The following DIP2B variants were observed in gnomAD, a reference collection of about 807,000 sequenced individuals.
DIP2B encodes DIP2 acetate--CoA ligase B (putative).
A neutral mutation model predicts 198.0 loss-of-function variants in DIP2B; 76 were observed. The ratio of observed to expected loss-of-function variants is 0.38; its 90% CI spans 0.32 to 0.46. The LOEUF (loss-of-function observed/expected upper bound fraction) is 0.46. Ranked by LOEUF, DIP2B falls within the 20% of genes least tolerant of loss-of-function variation. DIP2B has a pLI of 0.99. For missense variants in DIP2B, 1,559 were observed against 1,978.4 expected (o/e 0.79, Z 4.02); for synonymous variants, 701 against 739.1 (o/e 0.95, Z 0.84).
chr12:50,709,428 C>T (rs961054808), intron 22 of DIP2B, among the ~76,000 whole-genome samples: 5 of 151,668 alleles, frequency 3.3e-5, no homozygotes, highest in East Asian at 3.9e-4. Context: ...GTCAGGAGAT[C>T]GAGACCATCC....
intron 1 of DIP2B, among the ~76,000 whole-genome samples, chr12:50,608,222 A>G (rs1046083031): frequency 6.6e-6 from 1 of 152,228 alleles, no homozygotes; most frequent in African/African-American, 2.4e-5. Context: ...AAGTCTTAGC[A>G]TATCAAATGG....
At chr12:50,571,297 G>T (rs1024329327) in intron 1 of DIP2B, among the ~76,000 whole-genome samples, 1 of 145,782 alleles carries the variant, frequency 6.9e-6, no homozygotes, top group East Asian at 2.1e-4. Flanking sequence ...TCAGCCTCCC[G>T]AGTAGCTGGG....
At chr12:50,671,545 G>A in intron 5 of DIP2B, 147 bp downstream of exon 5, 1 of 764,458 alleles carries the variant, frequency 1.3e-6, no homozygotes. Context: ...AGGAAAAGAT[G>A]GAAACACCAG....
chr12:50,727,580 T>G lies in DIP2B; in HGVS notation c.3401-123T>G, dbSNP rs1442445450. 5 of 807,856 alleles carry G rather than the reference T, an allele frequency of 6.2e-6. No individual in the cohort carries two copies. In the Admixed American group the frequency reaches 6.2e-5, roughly 10 times the overall value. 50.0% of individuals were successfully genotyped at this position (807,856 alleles called of 1,614,324 possible). A position where few individuals can be genotyped will look rare whatever the true frequency, so the allele number is the denominator to read the frequency against. On this transcript the variant is annotated intron_variant, in intron 28 of 37. Transcript: ENST00000301180. ...CATATGTGAGCTACTTGGTTAAATA[T>G]GAGAGGCCTAAGCTTTAGCAAATCT...
chr12:50,639,153 G>A (rs191307255), intron 2 of DIP2B, among the ~76,000 whole-genome samples: 1 of 148,504 alleles, frequency 6.7e-6, no homozygotes, highest in African/African-American at 2.5e-5. Flanking sequence ...GCAGTGGCAC[G>A]ATCTTGGCTC....
intron 13 of DIP2B, among the ~76,000 whole-genome samples, chr12:50,691,528 G>A (rs1404100959): frequency 6.6e-6 from 1 of 152,106 alleles, no homozygotes; most frequent in African/African-American, 2.4e-5. Flanking sequence ...ACACAAAAAT[G>A]TATTCGATAT....
intron 1 of DIP2B, among the ~76,000 whole-genome samples, chr12:50,544,268 T>C (rs1289530688): frequency 6.6e-6 from 1 of 151,848 alleles, no homozygotes; most frequent in Non-Finnish European, 1.5e-5. Context: ...ATTTCCTTAA[T>C]CCTAACACCC....
At chr12:50,658,076 G>T (rs1380331380) in intron 3 of DIP2B, among the ~76,000 whole-genome samples, 1 of 139,712 alleles carries the variant, frequency 7.2e-6, no homozygotes, top group African/African-American at 2.7e-5. Context: ...TACATAGCAA[G>T]ACCTCATCTC....
At chr12:50,540,071 T>G (rs1191723315) in intron 1 of DIP2B, among the ~76,000 whole-genome samples, 2 of 143,208 alleles carry the variant, frequency 1.4e-5, no homozygotes, top group Non-Finnish European at 3.0e-5. Flanking sequence ...TTTTTTTTTT[T>G]TTTTTTTTTT....
intron 15 of DIP2B, 55 bp downstream of exon 15, chr12:50,695,415 C>T: frequency 2.0e-6 from 3 of 1,521,778 alleles, no homozygotes; most frequent in Non-Finnish European, 2.7e-6. Context: ...ATTAAGATTT[C>T]AGGGATTTCA....
chr12:50,506,725 A>G (rs4293196), intron 1 of DIP2B, among the ~76,000 whole-genome samples: 143,643 of 152,236 alleles, frequency 0.94, 68,344 homozygotes, highest in East Asian at 1. Flanking sequence ...AAAATCGAGG[A>G]GCTTTTTGCA....
chr12:50,541,074 T>C (rs918524348), intron 1 of DIP2B, among the ~76,000 whole-genome samples: 1 of 152,144 alleles, frequency 6.6e-6, no homozygotes, highest in Non-Finnish European at 1.5e-5. Context: ...TCTTTTCCTT[T>C]GGAGAATATA....
At chr12:50,629,695 A>G (rs1938004693) in intron 2 of DIP2B, among the ~76,000 whole-genome samples, 1 of 152,116 alleles carries the variant, frequency 6.6e-6, no homozygotes, top group Non-Finnish European at 1.5e-5. Context: ...ATTTAAATTT[A>G]TGACTTCTGC....
intron 1 of DIP2B, among the ~76,000 whole-genome samples, chr12:50,586,899 T>TA (rs1341898683): frequency 6.6e-6 from 1 of 152,192 alleles, no homozygotes; most frequent in Non-Finnish European, 1.5e-5. Context: ...AAAAAGCTAT[T>TA]ATAAACGTTT....
intron 1 of DIP2B, among the ~76,000 whole-genome samples, chr12:50,537,403 A>G (rs1958280510): frequency 1.3e-5 from 2 of 152,104 alleles, no homozygotes; most frequent in Non-Finnish European, 2.9e-5. Context: ...GGGATTGAGT[A>G]AAAAATGGCC....
intron 1 of DIP2B, among the ~76,000 whole-genome samples, chr12:50,568,981 C>G (rs1417924352): frequency 6.6e-6 from 1 of 151,668 alleles, no homozygotes; most frequent in Non-Finnish European, 1.5e-5. Context: ...ATTCTCTTCC[C>G]TAGTCGTGCT....
Position 50,686,646 on chromosome 12 carries a change from C to T in DIP2B, c.1515C>T (p.His505=). 1.2e-6 allele frequency: 2 copies of T among 1,614,084 alleles called. No individual in the cohort carries two copies. The highest frequency in any genetic ancestry group is 1.7e-6 in the Non-Finnish European group (2 of 1,180,004). The change falls in exon 12 of 38, where the codon CAC becomes CAT. Residue 505 remains histidine (H), a synonymous_variant. Coordinates refer to ENST00000301180, the MANE Select transcript of DIP2B (RefSeq NM_173602.3). The part of the protein sequence containing the change: ...LSKPPKDWQP[H]ISPAGTEPAY... ...AGCCACCGAAAGACTGGCAGCCACA[C>T]ATCTCACCTGCTGGGACAGAACCGG...
intron 1 of DIP2B, among the ~76,000 whole-genome samples, chr12:50,573,094 A>G (rs1202748218): frequency 6.6e-6 from 1 of 152,236 alleles, no homozygotes; most frequent in East Asian, 1.9e-4. Context: ...CAGCTGAACT[A>G]AATGGTTAAG....
intron 35 of DIP2B, 44 bp from the exon 36 acceptor site, chr12:50,739,364 GT>G (rs1357067515): frequency 1.9e-6 from 3 of 1,580,726 alleles, no homozygotes; most frequent in Middle Eastern, 1.7e-4. Flanking sequence ...AATTAATACA[GT>G]TGTGTGTCCC....
Sources: allele counts gnomAD v4.1 joint callset (sites outside exome capture counted in the v4.1 genomes callset), GRCh38; gene constraint gnomAD v4.1.1; transcripts MANE v1.5; gene names NCBI Gene and HGNC (gene_info 2026-07-23, HGNC 2026-07-21).